DLC1: variants seen among roughly 807,000 people sequenced by gnomAD.
DLC1 encodes the protein DLC1 Rho GTPase activating protein.
A neutral mutation model predicts 140.3 loss-of-function variants in DLC1; 54 were observed. That is an observed-to-expected ratio of 0.38 (90% CI 0.31 to 0.48). The LOEUF (loss-of-function observed/expected upper bound fraction) is 0.48. Ranked by LOEUF, DLC1 falls within the 20% of genes least tolerant of loss-of-function variation. The probability of loss-of-function intolerance (pLI) is 0.96; values close to 1 mark genes in which losing one functional copy is unlikely to be tolerated. For missense variants in DLC1, 2,536 were observed against 1,907.0 expected (o/e 1.33, Z -6.14); for synonymous variants, 986 against 728.1 (o/e 1.35, Z -5.70).
intron 1 of DLC1, among the ~76,000 whole-genome samples, chr8:13,579,245 C>CATACATATATATAT (rs1554546967): frequency 0.017 from 314 of 18,886 alleles, 56 homozygotes; most frequent in African/African-American, 0.051. Flanking sequence ...GAACAGGGAG[C>CATACATATATATAT]ATATATATAT....
At chr8:13,277,583 C>G (rs1232159928) in intron 5 of DLC1, among the ~76,000 whole-genome samples, 1 of 152,192 alleles carries the variant, frequency 6.6e-6, no homozygotes, top group Non-Finnish European at 1.5e-5. Flanking sequence ...TATGAGCCAA[C>G]TGCTTCTTTT....
intron 5 of DLC1, among the ~76,000 whole-genome samples, chr8:13,144,337 C>T (rs1422255153): frequency 6.6e-6 from 1 of 152,198 alleles, no homozygotes; most frequent in Non-Finnish European, 1.5e-5. Flanking sequence ...AGAGTTACCA[C>T]TGTCAGATTC....
intron 3 of DLC1, among the ~76,000 whole-genome samples, chr8:13,395,479 T>C (rs118111862): frequency 0.053 from 8,077 of 152,282 alleles, 337 homozygotes; most frequent in Non-Finnish European, 0.085. Context: ...GAGTAAGGAC[T>C]TCACCTGTCT....
intron 3 of DLC1, among the ~76,000 whole-genome samples, chr8:13,400,563 C>A (rs1332261090): frequency 6.6e-6 from 1 of 152,062 alleles, no homozygotes; most frequent in Non-Finnish European, 1.5e-5. Context: ...ATATAAAACC[C>A]AGTTTACAAT....
intron 5 of DLC1, among the ~76,000 whole-genome samples, chr8:13,281,178 A>G (rs757685754): frequency 1.3e-5 from 2 of 152,146 alleles, no homozygotes; most frequent in Non-Finnish European, 2.9e-5. Flanking sequence ...AGTTAATATA[A>G]TCATCTTTAG....
At chr8:13,589,222 A>G (rs996770862) in intron 1 of DLC1, among the ~76,000 whole-genome samples, 7 of 152,110 alleles carry the variant, frequency 4.6e-5, no homozygotes, top group African/African-American at 1.7e-4. Flanking sequence ...AGAGATGCTT[A>G]TGTATGCTTT....
At chr8:13,254,044 A>T (rs530766693) in intron 5 of DLC1, among the ~76,000 whole-genome samples, 4 of 152,248 alleles carry the variant, frequency 2.6e-5, no homozygotes, top group Non-Finnish European at 4.4e-5. Flanking sequence ...CAGCTTAGGG[A>T]TATAAGCAGT....
At chr8:13,197,290 A>T (rs753741797) in intron 5 of DLC1, among the ~76,000 whole-genome samples, 17 of 152,192 alleles carry the variant, frequency 1.1e-4, no homozygotes, top group Admixed American at 2.0e-4. Context: ...TGCTGATCAG[A>T]TTCCCTAATT....
intron 5 of DLC1, among the ~76,000 whole-genome samples, chr8:13,209,274 T>C (rs1827824526): frequency 6.6e-6 from 1 of 152,174 alleles, no homozygotes; most frequent in Non-Finnish European, 1.5e-5. Flanking sequence ...AAGACTCATC[T>C]CAAGATTTTT....
chr8:13,221,543 G>T (rs1235727861), intron 5 of DLC1, among the ~76,000 whole-genome samples: 1 of 150,532 alleles, frequency 6.6e-6, no homozygotes, highest in Non-Finnish European at 1.5e-5. Flanking sequence ...GCTAACTTTT[G>T]TATTTTTAGT....
intron 5 of DLC1, among the ~76,000 whole-genome samples, chr8:13,122,632 T>A (rs1197927650): frequency 6.6e-6 from 1 of 152,148 alleles, no homozygotes; most frequent in African/African-American, 2.4e-5. Flanking sequence ...TCAGGAGTTA[T>A]CTATGTAAAA....
At chr8:13,466,619 A>G (rs974450829) in intron 2 of DLC1, among the ~76,000 whole-genome samples, 3 of 152,156 alleles carry the variant, frequency 2.0e-5, no homozygotes, top group East Asian at 1.9e-4. Flanking sequence ...AACATCCACA[A>G]CCATCTTCCC....
At chr8:13,216,934 C>T (rs147387703) in intron 5 of DLC1, among the ~76,000 whole-genome samples, 27 of 152,236 alleles carry the variant, frequency 1.8e-4, no homozygotes, top group African/African-American at 6.3e-4. Flanking sequence ...GACAGGTGTG[C>T]CTCCCCTGAA....
At chr8:13,567,436 A>T in intron 1 of DLC1, 1 of 1,551,994 alleles carries the variant, frequency 6.4e-7, no homozygotes, top group Non-Finnish European at 8.7e-7. Flanking sequence ...CAGACATAAA[A>T]AGCTGCATCT....
chr8:13,419,366 C>G (rs1336967684), intron 2 of DLC1, among the ~76,000 whole-genome samples: 6 of 151,912 alleles, frequency 3.9e-5, no homozygotes, highest in African/African-American at 9.7e-5. Context: ...ATAGATAGCT[C>G]TTATTATTTT....
intron 2 of DLC1, among the ~76,000 whole-genome samples, chr8:13,471,662 C>A (rs569244979): frequency 4.0e-5 from 6 of 151,672 alleles, no homozygotes; most frequent in Non-Finnish European, 8.8e-5. Flanking sequence ...AACAAACCCA[C>A]GCTTGTACCC....
At chr8:13,087,306 G>T (rs373063521) in intron 16 of DLC1, among the ~76,000 whole-genome samples, 6 of 152,340 alleles carry the variant, frequency 3.9e-5, no homozygotes, top group South Asian at 4.1e-4. Flanking sequence ...GGAGGCTGAG[G>T]GGGGAGGATT....
At chr8:13,527,723 G>A (rs1222681123) in intron 1 of DLC1, among the ~76,000 whole-genome samples, 3 of 151,984 alleles carry the variant, frequency 2.0e-5, no homozygotes, top group Admixed American at 6.6e-5. Context: ...TTATAGATGA[G>A]GTATCTGGTC....
intron 1 of DLC1, among the ~76,000 whole-genome samples, chr8:13,522,657 T>C (rs1465574514): frequency 6.6e-6 from 1 of 151,430 alleles, no homozygotes; most frequent in Non-Finnish European, 1.5e-5. Flanking sequence ...TAAATAAATA[T>C]AAAAATAAAT....
Sources: allele counts gnomAD v4.1 joint callset (sites outside exome capture counted in the v4.1 genomes callset), GRCh38; gene constraint gnomAD v4.1.1; transcripts MANE v1.5; gene names NCBI Gene and HGNC (gene_info 2026-07-23, HGNC 2026-07-21).